TCN2: variants seen among roughly 807,000 people sequenced by gnomAD.
The protein encoded by TCN2 is transcobalamin 2, also known as transcobalamin-2.
Under a neutral mutation model 48.6 loss-of-function variants are expected in TCN2, and 34 were observed. The observed-to-expected ratio is 0.70, with a 90% CI of 0.53 to 0.93. TCN2 has a LOEUF of 0.93. Ranked by LOEUF, TCN2 falls within the 40% of genes least tolerant of loss-of-function variation. The probability of loss-of-function intolerance (pLI) is 0.00; values close to 1 mark genes in which losing one functional copy is unlikely to be tolerated. For synonymous variants in TCN2, 283 were observed against 212.5 expected, an observed-to-expected ratio of 1.33 and a Z score of -2.89; for missense variants, 652 against 526.1, an observed-to-expected ratio of 1.24 and a Z score of -2.34.
rs2087819692 is a variant in TCN2 at position 30,626,920 on chromosome 22, T to C, written c.*399T>C. On this transcript the variant is annotated 3_prime_UTR_variant, in exon 9 of 9. Transcript: ENST00000215838. ...GAAGGCCTCCTCAGCCCGGGGGCTA[T>C]GGCCCTGACCCCAGCTCTCCACTCT... The C allele has an allele frequency of 9.0e-6, 3 of 335,014 alleles. No homozygotes were observed. Among genetic ancestry groups the C allele is most frequent in the African/African-American group, 4.2e-5 (2 of 47,140 alleles). 20.8% of individuals were successfully genotyped at this position (335,014 alleles called of 1,614,324 possible). A position where few individuals can be genotyped will look rare whatever the true frequency, so the allele number is the denominator to read the frequency against.
chr22:30,616,022 T>C (rs1213140278), intron 6 of TCN2, among the ~76,000 whole-genome samples: 1 of 127,284 alleles, frequency 7.9e-6, no homozygotes, highest in Non-Finnish European at 1.7e-5. Context: ...AGTACAGAAA[T>C]GTTTGGATGG....
rs113331651 is a variant in TCN2, at chr22:30,615,620, T to C, written c.773T>C (p.Met258Thr). 1 of 1,614,100 alleles carries C rather than the reference T, an allele frequency of 6.2e-7. No homozygotes were observed. The highest frequency in any genetic ancestry group is 1.1e-5 in the South Asian group (1 of 91,082). Residue 258 changes from methionine to threonine, a missense_variant, in exon 6 of 9, where the codon ATG becomes ACG. Physicochemically the swap from Met to Thr is moderately conservative, Grantham distance 81. Coordinates refer to ENST00000215838, the MANE Select transcript of TCN2 (RefSeq NM_000355.4). ...LALQFLMTSP[M>T]RGAELGTACL... ...CACCAGTTCCTCATGACTTCCCCCA[T>C]GCGTGGGGCAGAACTGGGAACAGCA...
chr22:30,622,855 G>T, intron 7 of TCN2, 113 bp from the exon 8 acceptor site: 3 of 1,111,776 alleles, frequency 2.7e-6, no homozygotes, highest in South Asian at 1.3e-5. Flanking sequence ...AGGGTTTGAC[G>T]AGTGTCGGCC....
In TCN2 at chr22:30,614,291, C is replaced by T. The variant is rs771856299; in HGVS notation, c.428-58C>T. The stretch of plus-strand genomic sequence containing the variant: ...TGCAGGCCAGGGTCCCAGGTGCTGG[C>T]GGGGCTGGCTGCTGGGTGGGGGCAG... On this transcript the variant is annotated intron_variant, in intron 3 of 8. Coordinates refer to ENST00000215838, the MANE Select transcript of TCN2 (RefSeq NM_000355.4). The T allele has an allele frequency of 1.5e-4, 245 of 1,591,516 alleles. 1 individual carries two copies. The highest frequency in any genetic ancestry group is 1.9e-4 in the Non-Finnish European group (225 of 1,167,974).
Position 30,607,200 on chromosome 22 carries a change from TG to T in TCN2, c.-130del. 1 of 907,678 alleles carries T rather than the reference TG, an allele frequency of 1.1e-6. No individual in the cohort carries two copies. The highest frequency in any genetic ancestry group is 1.8e-6 in the Non-Finnish European group (1 of 563,560). 56.2% of individuals were successfully genotyped at this position (907,678 alleles called of 1,614,324 possible). A position where few individuals can be genotyped will look rare whatever the true frequency, so the allele number is the denominator to read the frequency against. On this transcript the variant is annotated 5_prime_UTR_variant, in exon 1 of 9. The change abolishes the stop of an existing upstream ORF in the 5' untranslated region. Transcript: ENST00000215838. ...CAGACTTAGCCGTGCATTGCAGGCA[TG>T]GAGGATTAATCAGTGACAGGAAGCT...
chr22:30,615,909 TG>T, intron 6 of TCN2, 122 bp downstream of exon 6: 1 of 1,224,504 alleles, frequency 8.2e-7, no homozygotes, highest in Admixed American at 1.8e-5. Context: ...TGGGTGTGCA[TG>T]GGACACAGCA....
At position 30,623,957 on chromosome 22, in the gene TCN2, C is replaced by T. The variant is rs1298196824; in HGVS notation, c.1222+874C>T. The stretch of plus-strand genomic sequence containing the variant: ...ATATATACACACACACATATGTATA[C>T]ATATATACACACACATATATATGTA... On this transcript the variant is annotated intron_variant, in intron 8 of 8. Coordinates refer to ENST00000215838, the MANE Select transcript of TCN2 (RefSeq NM_000355.4). 2.1e-3 allele frequency among the ~76,000 whole-genome samples: 187 copies of T among 88,752 alleles called. 58 individuals are homozygous for T. Among genetic ancestry groups the T allele is most frequent in the Middle Eastern group, 0.011 (2 of 180 alleles). 58.2% of individuals were successfully genotyped at this position (88,752 alleles called of 152,430 possible).
chr22:30,614,418 TCCA>T lies in TCN2; in HGVS notation c.501_503del (p.His167del), dbSNP rs2087583712. ...GGCCTGGGCATTCTGGCCCTGTGTC[TCCA>T]CCAGAAGCGGGTCCATGACAGCGTG... On this transcript the variant is annotated inframe_deletion, in exon 4 of 9. Transcript: ENST00000215838. The T allele has an allele frequency of 1.9e-6, 3 of 1,614,066 alleles. No individual in the cohort carries two copies. Among genetic ancestry groups the T allele is most frequent in the Non-Finnish European group, 1.7e-6 (2 of 1,179,982 alleles).
At chr22:30,621,140 C>T (rs1250466728) in intron 7 of TCN2, among the ~76,000 whole-genome samples, 2 of 151,726 alleles carry the variant, frequency 1.3e-5, no homozygotes, top group African/African-American at 4.8e-5. Context: ...TTACAGGGGC[C>T]CACCATCACA....
intron 7 of TCN2, among the ~76,000 whole-genome samples, chr22:30,619,436 CAA>C (rs2087664706): frequency 6.6e-6 from 1 of 152,212 alleles, no homozygotes; most frequent in African/African-American, 2.4e-5. Flanking sequence ...TTAATTACCT[CAA>C]AGAGGTTGGA....
chr22:30,619,141 A>G (rs1455703635), intron 7 of TCN2, among the ~76,000 whole-genome samples: 1 of 152,202 alleles, frequency 6.6e-6, no homozygotes, highest in African/African-American at 2.4e-5. Flanking sequence ...CAGTGGCACA[A>G]TCACAGCTCA....
At chr22:30,625,402 T>A (rs1019623435) in intron 8 of TCN2, among the ~76,000 whole-genome samples, 36 of 149,822 alleles carry the variant, frequency 2.4e-4, no homozygotes, top group Middle Eastern at 3.4e-3. Flanking sequence ...TTTTTTAATT[T>A]AAAAAAAAAA....
intron 3 of TCN2, 125 bp from the exon 4 acceptor site, chr22:30,614,216 GGCAATGAA>G: frequency 8.3e-7 from 1 of 1,208,902 alleles, no homozygotes; most frequent in South Asian, 1.4e-5. Context: ...TATGGGCTGA[GGCAATGAA>G]GGAATGAAGG....
rs57088816 is a variant in TCN2, at chr22:30,623,803, T to TATACACACACATATATAC, written c.1222+721_1222+722insTACACACACATATATACA. Among the ~76,000 whole-genome samples, 6 of 61,570 alleles carry TATACACACACATATATAC rather than the reference T, an allele frequency of 9.7e-5. No individual in the cohort carries two copies. In the South Asian group the frequency reaches 1.7e-3, roughly 18 times the overall value. 40.4% of individuals were successfully genotyped at this position (61,570 alleles called of 152,430 possible). A position where few individuals can be genotyped will look rare whatever the true frequency, so the allele number is the denominator to read the frequency against. ...ATATATGTATACATATATACACACATACACATATATACACACACATACACA... is the reference window on the plus strand; with the variant it reads ...ATATATGTATACATATATACACACATATACACACACATATATACACACATATATACACACACATACACA... On this transcript the variant is annotated intron_variant, in intron 8 of 8. Coordinates refer to ENST00000215838, the MANE Select transcript of TCN2 (RefSeq NM_000355.4).
chr22:30,617,430 C>A lies in TCN2; in HGVS notation c.1041C>A (p.Ile347=), dbSNP rs750640912. ...TCTTGCCGCCGTACAGACAGTCCATCTCTGTTCTGGCCGGGTCCACCGTGG... is the reference window on the plus strand; with the variant it reads ...TCTTGCCGCCGTACAGACAGTCCATATCTGTTCTGGCCGGGTCCACCGTGG... ...LSLLPPYRQS[I]SVLAGSTVED... is the part of the protein sequence containing the mutation. Residue 347 remains isoleucine, a synonymous_variant, in exon 7 of 9, where the codon ATC becomes ATA. Coordinates refer to ENST00000215838, the MANE Select transcript of TCN2 (RefSeq NM_000355.4). The A allele has an allele frequency of 3.1e-6, 5 of 1,614,122 alleles. No individual in the cohort carries two copies. Among genetic ancestry groups the A allele is most frequent in the Non-Finnish European group, 8.5e-7 (1 of 1,180,032 alleles).
intron 2 of TCN2, among the ~76,000 whole-genome samples, chr22:30,611,302 C>T (rs1467567425): frequency 6.6e-6 from 1 of 152,236 alleles, no homozygotes; most frequent in Non-Finnish European, 1.5e-5. Context: ...GCAGACATAA[C>T]TAATCCGTGA....
Position 30,626,441 on chromosome 22 carries a change from G to A in TCN2, c.1223-19G>A. On this transcript the variant is annotated intron_variant, in intron 8 of 8. Coordinates refer to ENST00000215838, the MANE Select transcript of TCN2 (RefSeq NM_000355.4). ...TATTCTGCCCAATTCGCCCCTCCTT[G>A]CTCAATCTGTTTCTGCAGGTATTGC... 2 of 1,614,060 alleles carry A rather than the reference G, an allele frequency of 1.2e-6. No individual in the cohort carries two copies. The highest frequency in any genetic ancestry group is 1.7e-5 in the Admixed American group (1 of 59,996).
Position 30,614,421 on chromosome 22 carries a change from A to T in TCN2, c.500A>T (p.His167Leu), listed in dbSNP as rs200303429. ...CTGGGCATTCTGGCCCTGTGTCTCC[A>T]CCAGAAGCGGGTCCATGACAGCGTG... ...YGLGILALCL[H>L]QKRVHDSVVD... The change falls in exon 4 of 9, where the codon CAC becomes CTC. Residue 167 changes from histidine to leucine, a missense_variant. His to Leu is a moderately conservative substitution (Grantham distance 99). Transcript: ENST00000215838. 8.7e-5 allele frequency: 141 copies of T among 1,614,090 alleles called. No homozygotes were observed. The East Asian group carries it at 3.0e-3, about 35-fold the overall frequency.
At chr22:30,609,773 C>G (rs555823048) in intron 1 of TCN2, among the ~76,000 whole-genome samples, 1 of 152,180 alleles carries the variant, frequency 6.6e-6, no homozygotes, top group African/African-American at 2.4e-5. Flanking sequence ...CAGCCATGTG[C>G]TTTGGTCTGG....
Sources: gnomAD v4.1 joint callset for allele counts (sites outside exome capture counted in the v4.1 genomes callset) on GRCh38, gnomAD v4.1.1 for gene constraint, MANE v1.5 for transcripts, NCBI Gene and HGNC (gene_info 2026-07-23, HGNC 2026-07-21) for gene names.